NUP153: variants seen among roughly 807,000 people sequenced by gnomAD.
NUP153 encodes nuclear pore complex protein Nup153.
Under a neutral mutation model 134.6 loss-of-function variants are expected in NUP153, and 27 were observed. That is an observed-to-expected ratio of 0.20 (90% CI 0.15 to 0.28). The LOEUF (loss-of-function observed/expected upper bound fraction) is 0.28, where lower values mean the gene tolerates loss of function less well. NUP153 is among the 10% of genes least tolerant of loss of function. The probability of loss-of-function intolerance (pLI) is 1.00; values close to 1 mark genes in which losing one functional copy is unlikely to be tolerated. For synonymous variants in NUP153, 640 were observed against 623.5 expected (o/e 1.03, Z -0.40); for missense variants, 1,821 against 1,731.3 (o/e 1.05, Z -0.92).
At chr6:17,656,924 G>C (rs1427333078) in intron 11 of NUP153, among the ~76,000 whole-genome samples, 1 of 152,168 alleles carries the variant, frequency 6.6e-6, no homozygotes, top group African/African-American at 2.4e-5. Flanking sequence ...ACAGACTCTA[G>C]TTGGTCATAT....
Position 17,637,219 on chromosome 6 carries a change from A to T in NUP153, c.2398T>A (p.Ser800Thr), listed in dbSNP as rs1561864082. The change falls in exon 16 of 22, where the codon TCA (serine) becomes ACA (threonine). Residue 800 changes from serine (S) to threonine (T), a missense_variant. Physicochemically the swap from Ser to Thr is moderately conservative, Grantham distance 58. Coordinates refer to ENST00000262077, the MANE Select transcript of NUP153 (RefSeq NM_005124.4). The part of the protein sequence containing the change: ...FKRPIGSWEC[S>T]VCCVSNNAED... ...GCATTATTAGAAACACAGCATACTG[A>T]ACACTCCCAAGATCCAATGGGCCTT... 1.2e-6 allele frequency: 2 copies of T among 1,614,180 alleles called. No individual in the cohort carries two copies. Among genetic ancestry groups the T allele is most frequent in the African/African-American group, 2.7e-5 (2 of 75,044 alleles).
chr6:17,636,997 C>T (rs149781715), intron 16 of NUP153, among the ~76,000 whole-genome samples, 156 bp downstream of exon 16: 21 of 152,286 alleles, frequency 1.4e-4, no homozygotes, highest in African/African-American at 4.8e-4. Flanking sequence ...AAAGATCTAG[C>T]TGCAAACAAG....
At chr6:17,644,660 C>T (rs1341734335) in intron 14 of NUP153, among the ~76,000 whole-genome samples, 4 of 152,232 alleles carry the variant, frequency 2.6e-5, no homozygotes, top group Non-Finnish European at 4.4e-5. Context: ...AAAACAAATT[C>T]GGCCAGGCAC....
chr6:17,656,607 G>A (rs1419350895), intron 11 of NUP153, among the ~76,000 whole-genome samples: 2 of 151,990 alleles, frequency 1.3e-5, no homozygotes, highest in African/African-American at 4.8e-5. Context: ...AAACTCCTGG[G>A]CTCAAGCAAA....
In NUP153 at chr6:17,624,439, A is replaced by G. The variant is rs866505280; in HGVS notation, c.4174+122T>C. 1.4e-4 allele frequency: 127 copies of G among 925,912 alleles called. 1 individual carries two copies. In the Middle Eastern group the frequency reaches 5.7e-3, roughly 42 times the overall value. The allele number at this position is 925,912 out of a possible 1,614,324, so 57.4% of individuals were successfully genotyped here. On this transcript the variant is annotated intron_variant, in intron 20 of 21. Coordinates refer to ENST00000262077, the MANE Select transcript of NUP153 (RefSeq NM_005124.4). Reference sequence around the variant, plus strand: ...ATAAATCCAACCATATTACCTCTCTATTCTGCCAAGTACAAGAGATAATTT... The same window carrying G: ...ATAAATCCAACCATATTACCTCTCTGTTCTGCCAAGTACAAGAGATAATTT...
At chr6:17,620,666 G>A (rs1764602442) in intron 20 of NUP153, among the ~76,000 whole-genome samples, 2 of 152,130 alleles carry the variant, frequency 1.3e-5, no homozygotes, top group South Asian at 2.1e-4. Context: ...TTCTTAAAAC[G>A]TGGAGATTTT....
chr6:17,683,102 A>C (rs563271811), intron 2 of NUP153, among the ~76,000 whole-genome samples: 1 of 151,926 alleles, frequency 6.6e-6, no homozygotes, highest in African/African-American at 2.4e-5. Flanking sequence ...GAAGTCCTGA[A>C]CCCCTCAAAG....
intron 20 of NUP153, among the ~76,000 whole-genome samples, chr6:17,618,517 AAAG>A (rs1346503618): frequency 3.3e-5 from 5 of 152,100 alleles, no homozygotes; most frequent in Non-Finnish European, 7.4e-5. Context: ...AGAAAATAAA[AAAG>A]AATACTTAGA....
At chr6:17,673,928 A>T (rs1768063416) in intron 5 of NUP153, among the ~76,000 whole-genome samples, 1 of 152,262 alleles carries the variant, frequency 6.6e-6, no homozygotes, top group Non-Finnish European at 1.5e-5. Flanking sequence ...TAATTGCCAG[A>T]AACTGGAAAC....
chr6:17,627,286 A>C (rs1764993400), intron 18 of NUP153, among the ~76,000 whole-genome samples: 1 of 152,194 alleles, frequency 6.6e-6, no homozygotes, highest in Admixed American at 6.6e-5. Context: ...ATAATATGTA[A>C]TTTTAGTTTT....
intron 1 of NUP153, among the ~76,000 whole-genome samples, chr6:17,693,861 G>A (rs1032237530): frequency 3.3e-5 from 5 of 152,238 alleles, no homozygotes; most frequent in African/African-American, 1.2e-4. Context: ...ACTCCAGCCT[G>A]TAATCCCAGC....
chr6:17,642,726 C>A (rs772968245), intron 14 of NUP153, among the ~76,000 whole-genome samples: 1 of 152,166 alleles, frequency 6.6e-6, no homozygotes, highest in Non-Finnish European at 1.5e-5. Flanking sequence ...CAAACAAATA[C>A]ACATACACAT....
rs61756067 is a variant in NUP153 at position 17,649,263 on chromosome 6, G to T, written c.1433C>A (p.Pro478Gln). 6.2e-7 allele frequency: 1 copy of T among 1,613,406 alleles called. No homozygotes were observed. The highest frequency in any genetic ancestry group is 1.7e-5 in the Admixed American group (1 of 59,900). ...GGTAGGCAGTGAAGAACTGGTGATC[G>T]GTAGAGAGATTTTCGGTAATACTGG... ...EVPVLPKISL[P>Q]ITSSSLPTFN... Residue 478 changes from proline (P) to glutamine (Q), a missense_variant, in exon 12 of 22, where the codon CCG (proline) becomes CAG (glutamine). Physicochemically the swap from Pro to Gln is moderately conservative, Grantham distance 76 (BLOSUM62 -1). Transcript: ENST00000262077.
At chr6:17,697,572 A>G (rs1342110768) in intron 1 of NUP153, among the ~76,000 whole-genome samples, 2 of 152,180 alleles carry the variant, frequency 1.3e-5, no homozygotes, top group African/African-American at 4.8e-5. Flanking sequence ...CTGTAATCCC[A>G]GCTACTTGAG....
rs114182919 is a variant in NUP153 at position 17,676,959 on chromosome 6, G to A, written c.335-1189C>T. 1.6e-3 allele frequency among the ~76,000 whole-genome samples: 246 copies of A among 152,278 alleles called. 1 individual carries two copies. Among genetic ancestry groups the A allele is most frequent in the Middle Eastern group, 6.8e-3 (2 of 294 alleles). ...TGGAGTTGAGAAAACAGAGATACTA[G>A]ACAGTGTACCGTGCTAGGGGAAAAA... On this transcript the variant is annotated intron_variant, in intron 2 of 21. Coordinates refer to ENST00000262077, the MANE Select transcript of NUP153 (RefSeq NM_005124.4).
At chr6:17,705,164 T>A (rs1475473845) in intron 1 of NUP153, among the ~76,000 whole-genome samples, 2 of 152,232 alleles carry the variant, frequency 1.3e-5, no homozygotes, top group Admixed American at 1.3e-4. Context: ...ATCTAGGAAG[T>A]CTACCTTTAA....
At chr6:17,665,459 G>A in intron 8 of NUP153, 74 bp from the exon 9 acceptor site, 1 of 1,215,550 alleles carries the variant, frequency 8.2e-7, no homozygotes, top group Non-Finnish European at 1.2e-6. Flanking sequence ...TTTGACAATA[G>A]CTAACATGAC....
Position 17,629,119 on chromosome 6 carries a change from C to T in NUP153, c.3080G>A (p.Gly1027Asp). ...SSSAGFSFGT[G>D]VINSTPAPAN... ...AGGAGCAGGGGTGGAGTTAATAACA[C>T]CTGTACCAAAGCTAAAACCTGCAGA... The change falls in exon 18 of 22, where the codon GGT becomes GAT. Residue 1027 changes from glycine to aspartate, a missense_variant. Coordinates refer to ENST00000262077, the MANE Select transcript of NUP153 (RefSeq NM_005124.4). 6.2e-7 allele frequency: 1 copy of T among 1,614,016 alleles called. No homozygotes were observed.
chr6:17,637,071 T>C (rs1765584250), intron 16 of NUP153, 82 bp downstream of exon 16: 2 of 1,347,486 alleles, frequency 1.5e-6, no homozygotes, highest in African/African-American at 1.5e-5. Context: ...TCCTGAAACA[T>C]CTAAAACAAG....
Sources: allele counts gnomAD v4.1 joint callset (sites outside exome capture counted in the v4.1 genomes callset), GRCh38; gene constraint gnomAD v4.1.1; transcripts MANE v1.5; gene names NCBI Gene and HGNC (gene_info 2026-07-23, HGNC 2026-07-21).